Variants in PRDM10 observed in about 807,000 individuals in gnomAD.
PRDM10 encodes the protein PR/SET domain 10.
A neutral mutation model predicts 133.1 loss-of-function variants in PRDM10; 65 were observed. The observed-to-expected ratio is 0.49, with a 90% CI of 0.40 to 0.60. The LOEUF is 0.60. Among genes scored for constraint, PRDM10 ranks in the 20% least tolerant of loss-of-function variants. The pLI, the probability that PRDM10 is intolerant of heterozygous loss-of-function variation, is 0.00. For missense variants in PRDM10, 1,137 were observed against 1,507.1 expected (o/e 0.75, Z 4.07); for synonymous variants, 582 against 580.4 (o/e 1.00, Z -0.04).
chr11:129,930,613 T>C (rs1950822500), intron 11 of PRDM10, among the ~76,000 whole-genome samples: 1 of 152,244 alleles, frequency 6.6e-6, no homozygotes, highest in African/African-American at 2.4e-5. Flanking sequence ...AAGCTGTAGA[T>C]AAGCACATTT....
intron 11 of PRDM10, among the ~76,000 whole-genome samples, chr11:129,928,949 C>T (rs935639246): frequency 6.6e-6 from 1 of 152,188 alleles, no homozygotes; most frequent in Non-Finnish European, 1.5e-5. Context: ...TAAGTCTCAC[C>T]TTATCCAAGA....
chr11:129,976,329 G>A (rs1031867790), intron 1 of PRDM10, among the ~76,000 whole-genome samples: 15 of 152,200 alleles, frequency 9.9e-5, no homozygotes, highest in East Asian at 9.7e-4. Flanking sequence ...AAAGGCTGTC[G>A]CTCTGGCACT....
Position 129,923,111 on chromosome 11 carries a change from C to A in PRDM10, c.2034+137G>T. The A allele has an allele frequency of 9.5e-7, 1 of 1,048,272 alleles. No individual in the cohort carries two copies. The allele number at this position is 1,048,272 out of a possible 1,614,324, so 64.9% of individuals were successfully genotyped here. On this transcript the variant is annotated intron_variant, in intron 13 of 20. Transcript: ENST00000360871. The surrounding 1 kb of genome is among the most constrained non-coding windows in gnomAD (Gnocchi z 4.4). ...CTTAATTTTATAACTAAGTCAAACA[C>A]AAGGCCCAAAGAGTATCTCAGGTCC... is the stretch of plus-strand genomic sequence containing the variant.
At chr11:129,955,407 T>G in intron 4 of PRDM10, 105 bp downstream of exon 4, 7 of 1,090,070 alleles carry the variant, frequency 6.4e-6, no homozygotes, top group Non-Finnish European at 9.4e-6. Context: ...TCTTAGTACA[T>G]GAGAAACAAA....
intron 1 of PRDM10, among the ~76,000 whole-genome samples, chr11:129,995,343 T>C (rs1329586246): frequency 6.8e-6 from 1 of 146,978 alleles, no homozygotes; most frequent in Non-Finnish European, 1.5e-5. Flanking sequence ...CATACTTGCA[T>C]AATTCCCTGA....
chr11:129,951,003 T>C (rs1206041741), intron 4 of PRDM10, among the ~76,000 whole-genome samples: 1 of 152,210 alleles, frequency 6.6e-6, no homozygotes, highest in Non-Finnish European at 1.5e-5. Flanking sequence ...GCAGCATCTT[T>C]AGAGGCTGGC....
At chr11:129,999,002 T>C (rs1939205613) in intron 1 of PRDM10, among the ~76,000 whole-genome samples, 1 of 151,960 alleles carries the variant, frequency 6.6e-6, no homozygotes, top group African/African-American at 2.4e-5. Context: ...TTTTTGTTTT[T>C]AGTAGAGGCA....
chr11:129,915,947 T>C (rs1355837522), intron 15 of PRDM10, 87 bp from the exon 16 acceptor site: 1 of 1,326,690 alleles, frequency 7.5e-7, no homozygotes, highest in Non-Finnish European at 1.0e-6. Flanking sequence ...TATAAGAAAA[T>C]GAGGAAAAGT....
chr11:129,992,237 C>T (rs932195976), intron 1 of PRDM10, among the ~76,000 whole-genome samples: 37 of 152,274 alleles, frequency 2.4e-4, no homozygotes, highest in Admixed American at 1.8e-3. Flanking sequence ...CCACCTGATT[C>T]GAAATGCATT....
chr11:129,922,180 G>C (rs945777850), intron 13 of PRDM10, among the ~76,000 whole-genome samples: 1 of 152,138 alleles, frequency 6.6e-6, no homozygotes, highest in African/African-American at 2.4e-5. Flanking sequence ...AATATACTGG[G>C]TGAAAGTAAA....
At chr11:129,950,070 T>C (rs768283084) in intron 4 of PRDM10, among the ~76,000 whole-genome samples, 7 of 151,620 alleles carry the variant, frequency 4.6e-5, no homozygotes, top group Admixed American at 4.6e-4. Context: ...ACCCTGTCTC[T>C]ACAAAAAATA....
Position 129,903,246 on chromosome 11 carries a change from T to C in PRDM10, c.3268-730A>G, listed in dbSNP as rs558109216. ...CTGGGAGGCAGAGGTTGCAGTGAGTTGAGATCGTGCCATTGCACTCAAGCC... is the reference window on the plus strand; with the variant it reads ...CTGGGAGGCAGAGGTTGCAGTGAGTCGAGATCGTGCCATTGCACTCAAGCC... On this transcript the variant is annotated intron_variant, in intron 20 of 20. Coordinates refer to ENST00000360871, the MANE Select transcript of PRDM10 (RefSeq NM_199437.2). Among the ~76,000 whole-genome samples, 7 of 151,032 alleles carry C rather than the reference T, an allele frequency of 4.6e-5. No individual in the cohort carries two copies. In the East Asian group the frequency reaches 1.4e-3, roughly 29 times the overall value.
rs759739913 is a variant in PRDM10 at position 129,942,638 on chromosome 11, A to G, written c.763-9T>C. 1.3e-6 allele frequency: 2 copies of G among 1,599,478 alleles called. No homozygotes were observed. Among genetic ancestry groups the G allele is most frequent in the African/African-American group, 1.4e-5 (1 of 73,820 alleles). ...CCTTTATCAAGAGAAACCTGCACGA[A>G]AAAAAAGCCACACCAAAAACAAAAC... On this transcript the variant is annotated splice_polypyrimidine_tract_variant and intron_variant, in intron 6 of 20. Transcript: ENST00000360871.
intron 15 of PRDM10, among the ~76,000 whole-genome samples, chr11:129,916,419 G>A (rs978325229): frequency 2.0e-5 from 3 of 152,204 alleles, no homozygotes; most frequent in Non-Finnish European, 4.4e-5. Flanking sequence ...AGGCCGAGGC[G>A]GGCGATCACC....
chr11:129,935,286 C>T (rs576462432), intron 8 of PRDM10, 68 bp from the exon 9 acceptor site: 30 of 1,104,354 alleles, frequency 2.7e-5, no homozygotes, highest in South Asian at 2.2e-4. Flanking sequence ...CAAAAGTCTG[C>T]GATCCCCACC....
At chr11:129,934,635 A>C (rs1317208643) in intron 9 of PRDM10, among the ~76,000 whole-genome samples, 1 of 152,158 alleles carries the variant, frequency 6.6e-6, no homozygotes, top group African/African-American at 2.4e-5. Flanking sequence ...ATAAAATCTA[A>C]ATTTCTTACC....
At chr11:129,979,557 T>A (rs1474469467) in intron 1 of PRDM10, among the ~76,000 whole-genome samples, 4 of 152,318 alleles carry the variant, frequency 2.6e-5, no homozygotes, top group Admixed American at 2.0e-4. Context: ...TTGGTGGATC[T>A]TCTACTCCAG....
intron 20 of PRDM10, 120 bp from the exon 21 acceptor site, chr11:129,902,636 A>C: frequency 7.0e-7 from 1 of 1,431,476 alleles, no homozygotes; most frequent in Non-Finnish European, 9.2e-7. Flanking sequence ...CATCTATGAG[A>C]GATGCTTTGC....
intron 1 of PRDM10, among the ~76,000 whole-genome samples, chr11:129,987,763 G>A (rs1938509681): frequency 6.6e-6 from 1 of 152,238 alleles, no homozygotes; most frequent in African/African-American, 2.4e-5. Flanking sequence ...CCCTTTGGGA[G>A]GCCGAGGCAG....
Sources: allele counts gnomAD v4.1 joint callset (sites outside exome capture counted in the v4.1 genomes callset), GRCh38; gene constraint gnomAD v4.1.1; non-coding constraint Gnocchi (gnomAD v3.1); transcripts MANE v1.5; gene names NCBI Gene and HGNC (gene_info 2026-07-23, HGNC 2026-07-21).